Variants in EEF2K observed in about 807,000 individuals in gnomAD.
The protein encoded by EEF2K is eukaryotic elongation factor 2 kinase, also known as alternative protein EEF2K.
A neutral mutation model predicts 93.8 loss-of-function variants in EEF2K; 70 were observed. The observed-to-expected ratio is 0.75, with a 90% confidence interval of 0.62 to 0.91. EEF2K has a LOEUF of 0.91. Ranked by LOEUF, EEF2K falls within the 40% of genes least tolerant of loss-of-function variation. The probability of loss-of-function intolerance (pLI) is 0.00; values close to 1 mark genes in which losing one functional copy is unlikely to be tolerated. For synonymous variants in EEF2K, 376 were observed against 380.8 expected (o/e 0.99, Z 0.15); for missense variants, 935 against 972.9 (o/e 0.96, Z 0.52).
At chr16:22,274,944 A>G (rs1448957189) in intron 16 of EEF2K, among the ~76,000 whole-genome samples, 1 of 152,180 alleles carries the variant, frequency 6.6e-6, no homozygotes, top group African/African-American at 2.4e-5. Context: ...TGACTAAACT[A>G]GTTCTGAGAT....
At chr16:22,282,087 C>T (rs771580002) in intron 17 of EEF2K, among the ~76,000 whole-genome samples, 13 of 152,086 alleles carry the variant, frequency 8.5e-5, no homozygotes, top group Non-Finnish European at 1.5e-4. Flanking sequence ...ATAGGTAAAC[C>T]TCACCTCTAC....
chr16:22,256,821 A>C lies in EEF2K; in HGVS notation c.692A>C (p.Tyr231Ser). The C allele has an allele frequency of 6.2e-7, 1 of 1,614,186 alleles. No individual in the cohort carries two copies. Among genetic ancestry groups the C allele is most frequent in the Admixed American group, 1.7e-5 (1 of 60,020 alleles). The change falls in exon 7 of 18, where the codon TAC (tyrosine) becomes TCC (serine). Residue 231 changes from tyrosine (Y) to serine (S), a missense_variant. Coordinates refer to ENST00000263026, the MANE Select transcript of EEF2K (RefSeq NM_013302.5). ...PGKPLFHLEHYIEGKYIKYNS... is the reference protein window; with the variant it reads ...PGKPLFHLEHSIEGKYIKYNS... Reference sequence around the variant, plus strand: ...AAGCCCCTCTTCCACCTGGAGCACTACATCGAGGGCAAGTACATCAAGTAC... The same window carrying C: ...AAGCCCCTCTTCCACCTGGAGCACTCCATCGAGGGCAAGTACATCAAGTAC...
intron 2 of EEF2K, among the ~76,000 whole-genome samples, chr16:22,244,153 C>T (rs1285150441): frequency 6.6e-6 from 1 of 151,558 alleles, no homozygotes; most frequent in Non-Finnish European, 1.5e-5. Context: ...TGCTTGAACC[C>T]GGGAGGTGGA....
At chr16:22,278,820 C>G (rs754325683) in intron 16 of EEF2K, among the ~76,000 whole-genome samples, 2 of 152,132 alleles carry the variant, frequency 1.3e-5, no homozygotes, top group African/African-American at 2.4e-5. Flanking sequence ...TTTGTGTGCC[C>G]TGGCTGGTTT....
intron 2 of EEF2K, among the ~76,000 whole-genome samples, chr16:22,243,949 C>T (rs555290172): frequency 5.9e-5 from 8 of 134,820 alleles, no homozygotes; most frequent in Middle Eastern, 6.4e-3. Context: ...AAAAAGAGGC[C>T]GGGCACAGTG....
At chr16:22,234,686 C>T (rs1381057952) in intron 2 of EEF2K, among the ~76,000 whole-genome samples, 1 of 151,872 alleles carries the variant, frequency 6.6e-6, no homozygotes, top group Non-Finnish European at 1.5e-5. Flanking sequence ...GAACATTTTA[C>T]CCAAAAACTA....
Position 22,256,854 on chromosome 16 carries a change from A to C in EEF2K, c.725A>C (p.Asn242Thr). ...GGCAAGTACATCAAGTACAACTCCAACTCTGGCTTTGTCCGCGATGACAAC... is the reference window on the plus strand; with the variant it reads ...GGCAAGTACATCAAGTACAACTCCACCTCTGGCTTTGTCCGCGATGACAAC... ...IEGKYIKYNS[N>T]SGFVRDDNIR... The change falls in exon 7 of 18, where the codon AAC (asparagine) becomes ACC (threonine). Residue 242 changes from asparagine to threonine, a missense_variant. Asn to Thr is a moderately conservative substitution (Grantham distance 65). Coordinates refer to ENST00000263026, the MANE Select transcript of EEF2K (RefSeq NM_013302.5). The C allele has an allele frequency of 1.2e-6, 2 of 1,614,068 alleles. No homozygotes were observed. The highest frequency in any genetic ancestry group is 2.2e-5 in the South Asian group (2 of 91,086).
At chr16:22,231,006 C>G (rs1041643099) in intron 2 of EEF2K, among the ~76,000 whole-genome samples, 8 of 151,940 alleles carry the variant, frequency 5.3e-5, no homozygotes, top group Admixed American at 5.3e-4. Flanking sequence ...TTGGCACAAG[C>G]CTGGTCCATA....
chr16:22,251,429 T>TC (rs1328805246), intron 6 of EEF2K, 107 bp downstream of exon 6: 1 of 1,367,562 alleles, frequency 7.3e-7, no homozygotes, highest in East Asian at 2.6e-5. Context: ...TTTTTTTTTT[T>TC]TTGAGATGAA....
At chr16:22,229,280 A>G (rs1042711391) in intron 2 of EEF2K, among the ~76,000 whole-genome samples, 1 of 152,224 alleles carries the variant, frequency 6.6e-6, no homozygotes, top group African/African-American at 2.4e-5. Flanking sequence ...CATATGTGCA[A>G]TGTGATCCTT....
In EEF2K at chr16:22,284,371, C is replaced by T. The variant is rs2047731385; in HGVS notation, c.*375C>T. 1.1e-5 allele frequency: 2 copies of T among 187,138 alleles called. No homozygotes were observed. Among genetic ancestry groups the T allele is most frequent in the South Asian group, 1.0e-4 (1 of 9,870 alleles). The allele number at this position is 187,138 out of a possible 1,614,324, so 11.6% of individuals were successfully genotyped here. ...TCTTAGCTCACTGCAACCTCCGCCT[C>T]CTGGGTTCAAGTGATTCTCCTGCCT... is the stretch of plus-strand genomic sequence containing the variant. On this transcript the variant is annotated 3_prime_UTR_variant, in exon 18 of 18. Coordinates refer to ENST00000263026, the MANE Select transcript of EEF2K (RefSeq NM_013302.5).
chr16:22,271,111 A>G (rs1394794732), intron 15 of EEF2K, among the ~76,000 whole-genome samples: 1 of 151,694 alleles, frequency 6.6e-6, no homozygotes, highest in Non-Finnish European at 1.5e-5. Context: ...CTGGGATTAC[A>G]GATGTGCACC....
intron 15 of EEF2K, among the ~76,000 whole-genome samples, chr16:22,270,993 A>G (rs1403473822): frequency 7.0e-6 from 1 of 143,124 alleles, no homozygotes; most frequent in Non-Finnish European, 1.5e-5. Flanking sequence ...TTTTTGAGAC[A>G]GGCTCTCGCT....
At chr16:22,243,036 C>CT (rs886229294) in intron 2 of EEF2K, among the ~76,000 whole-genome samples, 15 of 151,408 alleles carry the variant, frequency 9.9e-5, no homozygotes. Context: ...GCACTCCGGC[C>CT]TGGGGACAGG....
intron 2 of EEF2K, among the ~76,000 whole-genome samples, chr16:22,237,399 A>C (rs1351073892): frequency 6.6e-6 from 1 of 151,558 alleles, no homozygotes; most frequent in East Asian, 2.0e-4. Context: ...GCACTTTGGG[A>C]GGCCAAGACA....
At chr16:22,249,437 A>G (rs954868197) in intron 4 of EEF2K, among the ~76,000 whole-genome samples, 2 of 152,196 alleles carry the variant, frequency 1.3e-5, no homozygotes, top group Non-Finnish European at 2.9e-5. Context: ...TTGTCACAAA[A>G]TGAGCACACT....
intron 16 of EEF2K, among the ~76,000 whole-genome samples, chr16:22,275,008 A>G (rs1440336041): frequency 6.6e-6 from 1 of 152,224 alleles, no homozygotes; most frequent in Non-Finnish European, 1.5e-5. Flanking sequence ...GCCAACTTAC[A>G]TCTTCTCACC....
chr16:22,255,305 G>A (rs2141672591), intron 6 of EEF2K, among the ~76,000 whole-genome samples: 1 of 152,212 alleles, frequency 6.6e-6, no homozygotes, highest in East Asian at 1.9e-4. Context: ...CTTGTGTGGA[G>A]GTCTTGCATT....
At position 22,257,739 on chromosome 16, in the gene EEF2K, G is replaced by T; in HGVS notation, c.998G>T (p.Arg333Met). The T allele has an allele frequency of 6.2e-7, 1 of 1,613,954 alleles. No homozygotes were observed. ...LAPFDLSPRERDAVNQNTKLL... is the reference protein window; with the variant it reads ...LAPFDLSPREMDAVNQNTKLL... ...CCCTTTGACCTCTCGCCCCGGGAGAGGGATGCAGTGAATCAGAACACCAAG... is the reference window on the plus strand; with the variant it reads ...CCCTTTGACCTCTCGCCCCGGGAGATGGATGCAGTGAATCAGAACACCAAG... Residue 333 changes from arginine to methionine, a missense_variant, in exon 9 of 18, where the codon AGG becomes ATG. Arg to Met is a moderately conservative substitution (Grantham distance 91). Transcript: ENST00000263026.
Sources: gnomAD v4.1 joint callset for allele counts (sites outside exome capture counted in the v4.1 genomes callset) on GRCh38, gnomAD v4.1.1 for gene constraint, MANE v1.5 for transcripts, NCBI Gene and HGNC (gene_info 2026-07-23, HGNC 2026-07-21) for gene names.